The following ZRANB3 variants were observed in gnomAD, a reference collection of about 807,000 sequenced individuals.
ZRANB3 encodes the protein zinc finger RANBP2-type containing 3.
ZRANB3 carries 125 observed loss-of-function variants against 133.8 expected under a neutral mutation model. The ratio of observed to expected loss-of-function variants is 0.93; its 90% confidence interval spans 0.81 to 1.08. The LOEUF (loss-of-function observed/expected upper bound fraction) is 1.08. Among genes scored for constraint, ZRANB3 ranks in the 50% least tolerant of loss-of-function variants. The pLI is 0.00. For missense variants in ZRANB3, 1,229 were observed against 1,275.5 expected (o/e 0.96, Z 0.56); for synonymous variants, 387 against 432.7 (o/e 0.89, Z 1.31).
intron 2 of ZRANB3, among the ~76,000 whole-genome samples, chr2:135,475,528 G>A (rs1691466715): frequency 6.6e-6 from 1 of 152,078 alleles, no homozygotes; most frequent in African/African-American, 2.4e-5. Context: ...TGGTGGCATG[G>A]GCATACTCTT....
chr2:135,498,305 T>A (rs2104815371), intron 2 of ZRANB3, among the ~76,000 whole-genome samples: 1 of 152,224 alleles, frequency 6.6e-6, no homozygotes, highest in East Asian at 1.9e-4. Flanking sequence ...ATTGTGAAGA[T>A]TTCATGGACA....
At chr2:135,523,253 A>C (rs1694019188) in intron 1 of ZRANB3, among the ~76,000 whole-genome samples, 1 of 152,144 alleles carries the variant, frequency 6.6e-6, no homozygotes, top group South Asian at 2.1e-4. Context: ...AATGTATCTC[A>C]AGTCTATCCT....
At chr2:135,258,549 G>A (rs1418870152) in intron 12 of ZRANB3, among the ~76,000 whole-genome samples, 1 of 152,120 alleles carries the variant, frequency 6.6e-6, no homozygotes, top group Non-Finnish European at 1.5e-5. Context: ...ACCCTACAAT[G>A]TATCCGCATG....
At chr2:135,267,471 G>C (rs1558873688) in intron 11 of ZRANB3, among the ~76,000 whole-genome samples, 2 of 151,956 alleles carry the variant, frequency 1.3e-5, no homozygotes. Flanking sequence ...TTTAGAAGAG[G>C]GTGGGAAAGA....
intron 6 of ZRANB3, among the ~76,000 whole-genome samples, chr2:135,319,433 A>G (rs1446297600): frequency 3.9e-5 from 6 of 152,092 alleles, no homozygotes; most frequent in Non-Finnish European, 8.8e-5. Context: ...TGGATGATCG[A>G]ATTTTGTTGT....
intron 8 of ZRANB3, among the ~76,000 whole-genome samples, chr2:135,305,514 C>CA (rs1397549055): frequency 6.6e-6 from 1 of 152,184 alleles, no homozygotes; most frequent in Non-Finnish European, 1.5e-5. Context: ...TTATGTTTTA[C>CA]ATGTGAGGAT....
intron 10 of ZRANB3, among the ~76,000 whole-genome samples, chr2:135,269,725 T>A (rs969325759): frequency 6.6e-6 from 1 of 152,206 alleles, no homozygotes; most frequent in African/African-American, 2.4e-5. Context: ...ATTAACTAAG[T>A]CTTGCTTTAT....
intron 8 of ZRANB3, among the ~76,000 whole-genome samples, chr2:135,291,719 G>GT (rs1428902719): frequency 6.6e-6 from 1 of 151,678 alleles, no homozygotes; most frequent in Non-Finnish European, 1.5e-5. Flanking sequence ...AACATTAGGT[G>GT]TATCTCCTAA....
chr2:135,277,530 A>G (rs530755489), intron 8 of ZRANB3, among the ~76,000 whole-genome samples: 1 of 152,370 alleles, frequency 6.6e-6, no homozygotes, highest in African/African-American at 2.4e-5. Flanking sequence ...AACAGATATA[A>G]AGAAGAAAAA....
intron 3 of ZRANB3, among the ~76,000 whole-genome samples, chr2:135,387,953 GGTGT>G (rs1461270578): frequency 5.3e-5 from 8 of 152,126 alleles, no homozygotes; most frequent in African/African-American, 1.9e-4. Flanking sequence ...TGAGGATAAG[GGTGT>G]GTTAGAGAAT....
rs556760470 is a variant in ZRANB3, at chr2:135,479,395, G to A, written c.161+24934C>T. ...CATGCCTGTAATCCCAGCACTCTGG[G>A]AGGCTGAGGCAGGCAGATTACCTGA... On this transcript the variant is annotated intron_variant, in intron 2 of 20. Coordinates refer to ENST00000264159, the MANE Select transcript of ZRANB3 (RefSeq NM_032143.4). Among the ~76,000 whole-genome samples the A allele has an allele frequency of 2.2e-4, 34 of 152,278 alleles. No homozygotes were observed. In the East Asian group the frequency reaches 6.0e-3, roughly 27 times the overall value.
intron 2 of ZRANB3, among the ~76,000 whole-genome samples, chr2:135,427,913 T>C (rs1689163598): frequency 6.6e-6 from 1 of 152,186 alleles, no homozygotes; most frequent in African/African-American, 2.4e-5. Flanking sequence ...TGTAACTATC[T>C]GATCTTCAAC....
intron 10 of ZRANB3, among the ~76,000 whole-genome samples, chr2:135,270,119 G>T (rs1047575840): frequency 2.0e-5 from 3 of 152,072 alleles, no homozygotes; most frequent in African/African-American, 7.2e-5. Flanking sequence ...CTCTGAAAAA[G>T]AAGTTAGAGG....
intron 3 of ZRANB3, among the ~76,000 whole-genome samples, chr2:135,362,782 C>T (rs935065520): frequency 1.3e-5 from 2 of 152,136 alleles, no homozygotes; most frequent in African/African-American, 4.8e-5. Context: ...CACCACTGTG[C>T]CCCACTTGAG....
rs1475796424 is a variant in ZRANB3 at position 135,325,176 on chromosome 2, G to A, written c.678-9646C>T. ...CAGAAATTTACATAAAAATGCAAGT[G>A]ACACAGAATAGCCAAAACAACCTTG... On this transcript the variant is annotated intron_variant, in intron 6 of 20. Transcript: ENST00000264159. Among the ~76,000 whole-genome samples, 4 of 152,250 alleles carry A rather than the reference G, an allele frequency of 2.6e-5. No homozygotes were observed. The East Asian group carries it at 7.7e-4, about 29-fold the overall frequency.
Position 135,444,423 on chromosome 2 carries a change from A to C in ZRANB3, c.162-53603T>G, listed in dbSNP as rs183171048. ...AAATGTAGTTTACCCATACAACAAA[A>C]TACTCGGCAATAAGAAGGAACAAAC... On this transcript the variant is annotated intron_variant, in intron 2 of 20. Coordinates refer to ENST00000264159, the MANE Select transcript of ZRANB3 (RefSeq NM_032143.4). 4.6e-4 allele frequency among the ~76,000 whole-genome samples: 70 copies of C among 152,306 alleles called. No individual in the cohort carries two copies. The Middle Eastern group carries it at 0.01, about 22-fold the overall frequency.
rs548282424 is a variant in ZRANB3, at chr2:135,295,697, T to A, written c.966+17792A>T. ...TCGATGGTCTTTACAATTTGGCATG[T>A]TTTTGCAGTGGCTTGTACTGGTTTT... On this transcript the variant is annotated intron_variant, in intron 8 of 20. Transcript: ENST00000264159. Among the ~76,000 whole-genome samples, 268 of 152,342 alleles carry A rather than the reference T, an allele frequency of 1.8e-3. 3 individuals are homozygous for A. The highest frequency in any genetic ancestry group is 6.3e-3 in the African/African-American group (263 of 41,576).
At chr2:135,447,801 T>G (rs984029903) in intron 2 of ZRANB3, among the ~76,000 whole-genome samples, 1 of 152,216 alleles carries the variant, frequency 6.6e-6, no homozygotes, top group South Asian at 2.1e-4. Flanking sequence ...CCAGTCTCTC[T>G]TCACTATCAT....
intron 3 of ZRANB3, among the ~76,000 whole-genome samples, chr2:135,356,426 T>A (rs1367644684): frequency 6.6e-6 from 1 of 152,116 alleles, no homozygotes; most frequent in Non-Finnish European, 1.5e-5. Flanking sequence ...CAAATAAATA[T>A]TTTTAAAGAA....
Sources: gnomAD v4.1 joint callset for allele counts (sites outside exome capture counted in the v4.1 genomes callset) on GRCh38, gnomAD v4.1.1 for gene constraint, MANE v1.5 for transcripts, NCBI Gene and HGNC (gene_info 2026-07-23, HGNC 2026-07-21) for gene names.